HSP90AB1: variants seen among roughly 807,000 people sequenced by gnomAD.
HSP90AB1 encodes heat shock protein HSP 90-beta.
In HSP90AB1, 17 loss-of-function variants were observed where a neutral mutation model predicts 67.8. The ratio of observed to expected loss-of-function variants is 0.25; its 90% CI spans 0.17 to 0.38. HSP90AB1 has a LOEUF of 0.38. HSP90AB1 is among the 10% of genes least tolerant of loss of function. HSP90AB1 has a pLI of 1.00. For missense variants in HSP90AB1, 690 were observed against 899.9 expected, an observed-to-expected ratio of 0.77 and a Z score of 2.98; for synonymous variants, 390 against 312.9, an observed-to-expected ratio of 1.25 and a Z score of -2.60.
chr6:44,248,820 A>C (rs1401259548), intron 2 of HSP90AB1, 44 bp downstream of exon 2: 7 of 1,527,612 alleles, frequency 4.6e-6, no homozygotes, highest in Non-Finnish European at 6.3e-6. Flanking sequence ...TTTTTTTTTG[A>C]TACTCTAGAA....
At chr6:44,247,563 G>A (rs1229238333) in intron 1 of HSP90AB1, among the ~76,000 whole-genome samples, 1 of 152,212 alleles carries the variant, frequency 6.6e-6, no homozygotes, top group East Asian at 1.9e-4. Flanking sequence ...GCAGGGTGGC[G>A]GGGGTGCCCG....
Position 44,248,419 on chromosome 6 carries a change from T to C in HSP90AB1, c.1-211T>C, listed in dbSNP as rs35936488. ...ATTTGGTTGAAGAATATTTAGCTTA[T>C]TTTCTTTTTCCTTCTGAATTTTCAG... On this transcript the variant is annotated intron_variant, in intron 1 of 11. Coordinates refer to ENST00000371646, the MANE Select transcript of HSP90AB1 (RefSeq NM_007355.4). Among the ~76,000 whole-genome samples the C allele has an allele frequency of 1.6e-3, 243 of 152,158 alleles. 1 individual carries two copies. Among genetic ancestry groups the C allele is most frequent in the African/African-American group, 5.0e-3 (206 of 41,420 alleles).
rs750510295 is a variant in HSP90AB1, at chr6:44,252,040, C to A, written c.1504C>A (p.Arg502=). 10 of 1,613,956 alleles carry A rather than the reference C, an allele frequency of 6.2e-6. No homozygotes were observed. The highest frequency in any genetic ancestry group is 4.0e-5 in the African/African-American group (3 of 74,904). ...EQVANSAFVE[R]VRKRGFEVVY... ...GGTGGCCAACTCAGCTTTTGTGGAG[C>A]GAGTGCGGAAACGGGGCTTCGAGGT... Residue 502 remains arginine (R), a synonymous_variant, in exon 10 of 12, where the codon CGA becomes AGA. Transcript: ENST00000371646.
In HSP90AB1 at chr6:44,248,722, C is replaced by T. The variant is rs368612680; in HGVS notation, c.93C>T (p.Thr31=). Residue 31 remains threonine, a synonymous_variant, in exon 2 of 12, where the codon ACC becomes ACT. Coordinates refer to ENST00000371646, the MANE Select transcript of HSP90AB1 (RefSeq NM_007355.4). ...IAQLMSLIIN[T]FYSNKEIFLR... ...AACTCATGTCCCTCATCATCAATAC[C>T]TTCTATTCCAACAAGGAGATTTTCC... 1.4e-5 allele frequency: 22 copies of T among 1,613,826 alleles called. No homozygotes were observed. Among genetic ancestry groups the T allele is most frequent in the Non-Finnish European group, 1.8e-5 (21 of 1,179,794 alleles).
At chr6:44,253,004 A>C in intron 10 of HSP90AB1, 41 bp from the exon 11 acceptor site, 1 of 1,531,224 alleles carries the variant, frequency 6.5e-7, no homozygotes, top group Non-Finnish European at 9.0e-7. Flanking sequence ...TTCTCTTTCA[A>C]AGTGGTAATG....
intron 5 of HSP90AB1, 50 bp downstream of exon 5, chr6:44,250,204 T>G (rs747243690): frequency 6.2e-7 from 1 of 1,612,334 alleles, no homozygotes; most frequent in African/African-American, 1.3e-5. Flanking sequence ...GGATGTTTCC[T>G]GTTCTGGAGA....
chr6:44,248,668 G>T lies in HSP90AB1; in HGVS notation c.39G>T (p.Glu13Asp). 1 of 1,613,962 alleles carries T rather than the reference G, an allele frequency of 6.2e-7. No homozygotes were observed. The highest frequency in any genetic ancestry group is 8.5e-7 in the Non-Finnish European group (1 of 1,179,874). Residue 13 changes from glutamate (E) to aspartate (D), a missense_variant, in exon 2 of 12, where the codon GAG becomes GAT. Coordinates refer to ENST00000371646, the MANE Select transcript of HSP90AB1 (RefSeq NM_007355.4). ...EEVHHGEEEV[E>D]TFAFQAEIAQ... Reference sequence around the variant, plus strand: ...TGCACCATGGAGAGGAGGAGGTGGAGACTTTTGCCTTTCAGGCAGAAATTG... The same window carrying T: ...TGCACCATGGAGAGGAGGAGGTGGATACTTTTGCCTTTCAGGCAGAAATTG...
At chr6:44,250,246 G>T in intron 5 of HSP90AB1, 45 bp from the exon 6 acceptor site, 2 of 1,610,654 alleles carry the variant, frequency 1.2e-6, no homozygotes, top group Non-Finnish European at 1.7e-6. Context: ...GCTTTCCCTG[G>T]TAGTGTTTTG....
chr6:44,248,528 T>C, intron 1 of HSP90AB1, 102 bp from the exon 2 acceptor site: 9 of 1,076,584 alleles, frequency 8.4e-6, no homozygotes, highest in Non-Finnish European at 1.2e-5. Flanking sequence ...GTTAAACCAG[T>C]CTGAACTCAC....
Position 44,251,586 on chromosome 6 carries a change from A to G in HSP90AB1, c.1292A>G (p.Glu431Gly). 6.2e-7 allele frequency: 1 copy of G among 1,604,782 alleles called. No individual in the cohort carries two copies. Among genetic ancestry groups the G allele is most frequent in the Non-Finnish European group, 8.5e-7 (1 of 1,174,092 alleles). Reference sequence around the variant, plus strand: ...AAGGAGAATTACAAGAAATTCTATGAGGCATTCTCTAAAAATCTCAAGGTA... The same window carrying G: ...AAGGAGAATTACAAGAAATTCTATGGGGCATTCTCTAAAAATCTCAAGGTA... ...EDKENYKKFY[E>G]AFSKNLKLGI... Residue 431 changes from glutamate to glycine, a missense_variant, in exon 8 of 12, where the codon GAG becomes GGG. Glu to Gly is a moderately conservative substitution (Grantham distance 98). Transcript: ENST00000371646.
intron 2 of HSP90AB1, 91 bp from the exon 3 acceptor site, chr6:44,249,286 C>G (rs1364846673): frequency 1.9e-6 from 2 of 1,027,566 alleles, no homozygotes; most frequent in Non-Finnish European, 3.0e-6. Flanking sequence ...CTGCAGTGAG[C>G]TGTCATCCTT....
At chr6:44,248,876 AG>A in intron 2 of HSP90AB1, 100 bp downstream of exon 2, 1 of 1,062,624 alleles carries the variant, frequency 9.4e-7, no homozygotes, top group Non-Finnish European at 1.4e-6. Flanking sequence ...CTACTATTGA[AG>A]GGGGTAAACT....
intron 1 of HSP90AB1, among the ~76,000 whole-genome samples, chr6:44,247,480 C>T (rs994632663): frequency 6.6e-6 from 1 of 152,122 alleles, no homozygotes; most frequent in Non-Finnish European, 1.5e-5. Context: ...CACGTGGTGG[C>T]CGCGCGGCCC....
chr6:44,252,163 C>G lies in HSP90AB1; in HGVS notation c.1627C>G (p.Leu543Val). The change falls in exon 10 of 12, where the codon CTG becomes GTG. Residue 543 changes from leucine to valine, a missense_variant. Leu to Val is a conservative substitution (Grantham distance 32). Around this residue, in one of 7 missense-constraint regions of HSP90AB1, gnomAD observed 206 missense variants for 221.4 expected, o/e 0.93. Coordinates refer to ENST00000371646, the MANE Select transcript of HSP90AB1 (RefSeq NM_007355.4). ...LVSVTKEGLE[L>V]PEDEEEKKKM... Reference sequence around the variant, plus strand: ...CTCAGTTACCAAGGAGGGTCTGGAGCTGCCTGAGGATGAGGAGGAGAAGAA... The same window carrying G: ...CTCAGTTACCAAGGAGGGTCTGGAGGTGCCTGAGGATGAGGAGGAGAAGAA... 1.2e-6 allele frequency: 2 copies of G among 1,614,054 alleles called. No individual in the cohort carries two copies. Among genetic ancestry groups the G allele is most frequent in the South Asian group, 1.1e-5 (1 of 91,066 alleles).
rs138868187 is a variant in HSP90AB1, at chr6:44,251,795, A to G, written c.1373A>G (p.His458Arg). 1.9e-6 allele frequency: 3 copies of G among 1,613,240 alleles called. No homozygotes were observed. The highest frequency in any genetic ancestry group is 2.7e-5 in the African/African-American group (2 of 74,920). Residue 458 changes from histidine (H) to arginine (R), a missense_variant, in exon 9 of 12, where the codon CAT becomes CGT. By Grantham distance (29) the His-to-Arg change is conservative. This residue lies in a region of HSP90AB1 where 206 missense variants were observed against 221.4 expected (regional missense o/e 0.93). Transcript: ENST00000371646. ...RRRLSELLRY[H>R]TSQSGDEMTS... is the part of the protein sequence containing the mutation. Reference sequence around the variant, plus strand: ...CGCCTGTCTGAGCTGCTGCGCTATCATACCTCCCAGTCTGGAGATGAGATG... The same window carrying G: ...CGCCTGTCTGAGCTGCTGCGCTATCGTACCTCCCAGTCTGGAGATGAGATG...
At chr6:44,253,449 G>A in intron 11 of HSP90AB1, 40 bp from the exon 12 acceptor site, 2 of 1,601,460 alleles carry the variant, frequency 1.2e-6, no homozygotes, top group South Asian at 1.1e-5. Flanking sequence ...TTGACTTAAT[G>A]CTATTTGGTC....
chr6:44,251,849 T>C lies in HSP90AB1; in HGVS notation c.1427T>C (p.Met476Thr). 3.1e-6 allele frequency: 5 copies of C among 1,613,012 alleles called. No homozygotes were observed. The highest frequency in any genetic ancestry group is 4.2e-6 in the Non-Finnish European group (5 of 1,180,020). The stretch of plus-strand genomic sequence containing the variant: ...TCTCTGTCAGAGTATGTTTCTCGCA[T>C]GAAGGAGACACAGAAGTCCATCTAT... ...MTSLSEYVSR[M>T]KETQKSIYYI... The change falls in exon 9 of 12, where the codon ATG becomes ACG. Residue 476 changes from methionine to threonine, a missense_variant. This residue lies in a region of HSP90AB1 where 206 missense variants were observed against 221.4 expected (regional missense o/e 0.93). Coordinates refer to ENST00000371646, the MANE Select transcript of HSP90AB1 (RefSeq NM_007355.4).
At chr6:44,253,460 A>G in intron 11 of HSP90AB1, 29 bp from the exon 12 acceptor site, 1 of 1,608,734 alleles carries the variant, frequency 6.2e-7, no homozygotes, top group Non-Finnish European at 8.5e-7. Context: ...CTATTTGGTC[A>G]AGTCTCACAT....
intron 10 of HSP90AB1, 88 bp from the exon 11 acceptor site, chr6:44,252,957 C>T (rs1780912621): frequency 9.1e-7 from 1 of 1,102,294 alleles, no homozygotes; most frequent in Non-Finnish European, 1.4e-6. Flanking sequence ...CTGTCCACCT[C>T]CTCCCCCTGC....
Sources: gnomAD v4.1 joint callset for allele counts (sites outside exome capture counted in the v4.1 genomes callset) on GRCh38, gnomAD v4.1.1 for gene constraint, gnomAD v4.1.1 regional missense constraint, MANE v1.5 for transcripts, NCBI Gene and HGNC (gene_info 2026-07-23, HGNC 2026-07-21) for gene names.